The following SOX5 variants were observed in gnomAD, a reference collection of about 807,000 sequenced individuals.
The protein encoded by SOX5 is SRY-box transcription factor 5.
A neutral mutation model predicts 92.0 loss-of-function variants in SOX5; 9 were observed. That is an observed-to-expected ratio of 0.10 (90% confidence interval 0.06 to 0.17). The LOEUF is 0.17. Ranked by LOEUF, SOX5 falls within the 10% of genes least tolerant of loss-of-function variation. The pLI, the probability that SOX5 is intolerant of heterozygous loss-of-function variation, is 1.00. For missense variants in SOX5, 642 were observed against 944.5 expected, an observed-to-expected ratio of 0.68 and a Z score of 4.20; for synonymous variants, 344 against 336.3, an observed-to-expected ratio of 1.02 and a Z score of -0.25.
intron 3 of SOX5, among the ~76,000 whole-genome samples, chr12:23,786,264 T>A (rs1463026801): frequency 6.6e-6 from 1 of 151,986 alleles, no homozygotes; most frequent in Non-Finnish European, 1.5e-5. Flanking sequence ...AAAAAACAAA[T>A]TTTATATTCT....
intron 1 of SOX5, among the ~76,000 whole-genome samples, chr12:23,928,789 T>C (rs1041660273): frequency 3.3e-5 from 5 of 151,832 alleles, no homozygotes; most frequent in African/African-American, 9.7e-5. Context: ...TAAGGTCTTA[T>C]GGCTAATAAA....
At chr12:24,041,681 C>T (rs11829977) in intron 4 of SOX5, among the ~76,000 whole-genome samples, 34,801 of 151,852 alleles carry the variant, frequency 0.23, 4,046 homozygotes, top group Middle Eastern at 0.33. Flanking sequence ...TTCAAAGATC[C>T]TTATGTAAAT....
intron 1 of SOX5, among the ~76,000 whole-genome samples, chr12:24,427,093 T>C (rs1256502563): frequency 6.6e-6 from 1 of 152,244 alleles, no homozygotes; most frequent in Admixed American, 6.5e-5. Context: ...TTCATCTTAA[T>C]ATCCACAGTA....
At chr12:23,949,746 C>CTG, upstream of SOX5, 1 of 974,590 alleles carries the variant, frequency 1.0e-6, no homozygotes, top group Non-Finnish European at 1.5e-6. Flanking sequence ...CTCTCTCTCT[C>CTG]TCTCTCCCTC....
chr12:24,101,296 C>T (rs576334711), intron 4 of SOX5, among the ~76,000 whole-genome samples: 18 of 152,234 alleles, frequency 1.2e-4, no homozygotes, highest in Non-Finnish European at 2.4e-4. Context: ...ACTATGATCA[C>T]GTCCAAGACA....
intron 3 of SOX5, among the ~76,000 whole-genome samples, chr12:24,271,567 A>C (rs1188315481): frequency 1.3e-5 from 2 of 152,168 alleles, no homozygotes; most frequent in Non-Finnish European, 2.9e-5. Context: ...CTCCTAAGCC[A>C]TATTCCCAGG....
At chr12:24,097,337 A>G (rs1031244990) in intron 4 of SOX5, among the ~76,000 whole-genome samples, 2 of 152,118 alleles carry the variant, frequency 1.3e-5, no homozygotes, top group Admixed American at 6.6e-5. Context: ...ATACTCTTTT[A>G]TAGTGTCCTT....
chr12:24,318,396 T>C (rs978672181), intron 2 of SOX5, among the ~76,000 whole-genome samples: 3 of 152,082 alleles, frequency 2.0e-5, no homozygotes, highest in Non-Finnish European at 4.4e-5. Context: ...GAGAAACGGC[T>C]GGAGGATTTG....
chr12:24,002,941 A>G (rs10842256), intron 4 of SOX5, among the ~76,000 whole-genome samples: 62,470 of 151,620 alleles, frequency 0.41, 13,353 homozygotes, highest in East Asian at 0.69. Flanking sequence ...ATATTAACAA[A>G]CTGATCCAGC....
At chr12:24,039,110 A>G (rs11047222) in intron 4 of SOX5, among the ~76,000 whole-genome samples, 26,719 of 152,120 alleles carry the variant, frequency 0.18, 2,540 homozygotes, top group Non-Finnish European at 0.22. Context: ...AGGATAAAAT[A>G]GCATTTCTAA....
chr12:24,067,316 C>A (rs1940913073), intron 4 of SOX5, among the ~76,000 whole-genome samples: 1 of 152,160 alleles, frequency 6.6e-6, no homozygotes, highest in Non-Finnish European at 1.5e-5. Context: ...TCCCAAGGCT[C>A]AGCAAAACGT....
chr12:23,673,216 T>C (rs1176470493), intron 6 of SOX5, among the ~76,000 whole-genome samples: 4 of 152,124 alleles, frequency 2.6e-5, no homozygotes, highest in African/African-American at 7.2e-5. Flanking sequence ...TCTTAGATAA[T>C]TCATTATTTA....
intron 4 of SOX5, among the ~76,000 whole-genome samples, chr12:24,149,120 A>T (rs1264621012): frequency 6.6e-6 from 1 of 152,164 alleles, no homozygotes; most frequent in Non-Finnish European, 1.5e-5. Flanking sequence ...CCCTAAAACT[A>T]AAAAAGTTCT....
intron 2 of SOX5, among the ~76,000 whole-genome samples, chr12:24,344,331 G>A (rs1439849383): frequency 2.0e-5 from 3 of 147,378 alleles, no homozygotes; most frequent in South Asian, 2.1e-4. Flanking sequence ...TACAAATGGT[G>A]CCTTAAAATT....
Position 24,278,525 on chromosome 12 carries a change from C to A in SOX5, c.-173-1213G>T, listed in dbSNP as rs184980835. ...CCCAGGAGTTCAAGACTAGCATGGGCAACACTGAGACTCCAGCTCTACAAA... is the reference window on the plus strand; with the variant it reads ...CCCAGGAGTTCAAGACTAGCATGGGAAACACTGAGACTCCAGCTCTACAAA... On this transcript the variant is annotated intron_variant, in intron 2 of 4. Transcript: ENST00000446891. Among the ~76,000 whole-genome samples, 148 of 152,188 alleles carry A rather than the reference C, an allele frequency of 9.7e-4. 1 individual carries two copies. The highest frequency in any genetic ancestry group is 3.4e-3 in the African/African-American group (143 of 41,528).
chr12:24,162,174 G>A (rs530702932), intron 4 of SOX5, among the ~76,000 whole-genome samples: 2 of 152,136 alleles, frequency 1.3e-5, no homozygotes, highest in South Asian at 4.1e-4. Flanking sequence ...CAAGAGTTTT[G>A]ACATGTTTTC....
intron 6 of SOX5, among the ~76,000 whole-genome samples, chr12:23,693,348 T>A (rs1015543691): frequency 4.6e-5 from 7 of 152,158 alleles, no homozygotes; most frequent in African/African-American, 1.7e-4. Flanking sequence ...GGTCTTGAAC[T>A]CCTTCCCTCA....
At chr12:24,034,689 T>C (rs10743489) in intron 4 of SOX5, among the ~76,000 whole-genome samples, 143,579 of 151,908 alleles carry the variant, frequency 0.95, 68,372 homozygotes, top group South Asian at 1. Context: ...ATCCTCTGAA[T>C]AATAAAGAAT....
chr12:24,493,475 A>G (rs1054791477), intron 1 of SOX5, among the ~76,000 whole-genome samples: 1 of 152,242 alleles, frequency 6.6e-6, no homozygotes, highest in Non-Finnish European at 1.5e-5. Context: ...GTATTACAGT[A>G]ATGTAAAATG....
Sources: gnomAD v4.1 joint callset for allele counts (sites outside exome capture counted in the v4.1 genomes callset) on GRCh38, gnomAD v4.1.1 for gene constraint, MANE v1.5 for transcripts, NCBI Gene and HGNC (gene_info 2026-07-23, HGNC 2026-07-21) for gene names.